The following DCC variants were observed in gnomAD, a reference collection of about 807,000 sequenced individuals.
The protein encoded by DCC is netrin receptor DCC.
In DCC, 58 loss-of-function variants were observed where a neutral mutation model predicts 172.5. The observed-to-expected ratio is 0.34, with a 90% CI of 0.27 to 0.42. The LOEUF (loss-of-function observed/expected upper bound fraction) is 0.42, where lower values mean the gene tolerates loss of function less well. Among genes scored for constraint, DCC ranks in the 10% least tolerant of loss-of-function variants. The probability of loss-of-function intolerance (pLI) is 1.00; values close to 1 mark genes in which losing one functional copy is unlikely to be tolerated. For missense variants in DCC, 1,740 were observed against 1,791.0 expected, an observed-to-expected ratio of 0.97 and a Z score of 0.51; for synonymous variants, 709 against 644.5, an observed-to-expected ratio of 1.10 and a Z score of -1.52.
At chr18:53,243,005 A>C (rs2144641705) in intron 12 of DCC, among the ~76,000 whole-genome samples, 1 of 152,176 alleles carries the variant, frequency 6.6e-6, no homozygotes, top group Non-Finnish European at 1.5e-5. Flanking sequence ...AGGACCCCAA[A>C]GCTATAAAAG....
intron 15 of DCC, among the ~76,000 whole-genome samples, chr18:53,366,672 T>C (rs770535753): frequency 1.3e-5 from 2 of 152,180 alleles, no homozygotes; most frequent in Non-Finnish European, 2.9e-5. Flanking sequence ...GCAATTACTT[T>C]AATAATAGAC....
At chr18:52,772,691 A>C (rs745586414) in intron 2 of DCC, among the ~76,000 whole-genome samples, 3 of 152,176 alleles carry the variant, frequency 2.0e-5, no homozygotes, top group Non-Finnish European at 4.4e-5. Context: ...CTGATCCATC[A>C]CAGTGCTTTT....
chr18:53,220,873 G>T (rs772019831), intron 12 of DCC, among the ~76,000 whole-genome samples: 1 of 152,076 alleles, frequency 6.6e-6, no homozygotes, highest in South Asian at 2.1e-4. Context: ...GAAGGGTGGG[G>T]AGTAGGAGCA....
At chr18:52,891,561 C>G (rs950443196) in intron 2 of DCC, among the ~76,000 whole-genome samples, 1 of 152,054 alleles carries the variant, frequency 6.6e-6, no homozygotes, top group African/African-American at 2.4e-5. Flanking sequence ...TAATTAGCCT[C>G]TTACTCCTGT....
chr18:53,169,020 A>G (rs1030853353), intron 8 of DCC, among the ~76,000 whole-genome samples: 13 of 152,232 alleles, frequency 8.5e-5, no homozygotes, highest in African/African-American at 3.1e-4. Flanking sequence ...AGCTATTATT[A>G]TAATGCAATA....
intron 2 of DCC, among the ~76,000 whole-genome samples, chr18:52,834,173 T>C (rs1249387977): frequency 2.0e-5 from 3 of 151,772 alleles, no homozygotes; most frequent in Admixed American, 1.3e-4. Flanking sequence ...TTCTTCTCTT[T>C]ATAGCAGTTG....
At chr18:52,649,372 C>CA (rs74178677) in intron 1 of DCC, among the ~76,000 whole-genome samples, 21,993 of 123,842 alleles carry the variant, frequency 0.18, 1,965 homozygotes, top group Admixed American at 0.28. Flanking sequence ...GATTCCGTAT[C>CA]AAAAAAAAAA....
intron 7 of DCC, among the ~76,000 whole-genome samples, chr18:53,087,606 G>C (rs1270764654): frequency 6.6e-6 from 1 of 152,120 alleles, no homozygotes; most frequent in Admixed American, 6.5e-5. Flanking sequence ...CTTGAGTTTA[G>C]TTAGATCCCA....
chr18:52,395,596 T>C (rs767839747), intron 1 of DCC, among the ~76,000 whole-genome samples: 1 of 152,008 alleles, frequency 6.6e-6, no homozygotes, highest in Non-Finnish European at 1.5e-5. Flanking sequence ...AGGTGCAAAC[T>C]CTCTGTGTGA....
intron 2 of DCC, among the ~76,000 whole-genome samples, chr18:52,861,531 T>C (rs117313116): frequency 0.04 from 6,125 of 152,250 alleles, 173 homozygotes; most frequent in Non-Finnish European, 0.062. Context: ...ATCATGTAGA[T>C]AGAAGGGTAA....
intron 1 of DCC, among the ~76,000 whole-genome samples, chr18:52,681,613 A>G (rs1180504881): frequency 6.6e-6 from 1 of 152,256 alleles, no homozygotes; most frequent in African/African-American, 2.4e-5. Flanking sequence ...CGTATATTAA[A>G]TATCAAAGGA....
chr18:52,759,120 T>G (rs991986781), intron 2 of DCC: 5 of 152,174 alleles, frequency 3.3e-5, no homozygotes, highest in Admixed American at 2.0e-4. Flanking sequence ...GTCTTATCAT[T>G]TTTCTTTAAT....
At chr18:53,370,914 C>T (rs1313301121) in intron 15 of DCC, among the ~76,000 whole-genome samples, 1 of 150,460 alleles carries the variant, frequency 6.6e-6, no homozygotes, top group African/African-American at 2.4e-5. Flanking sequence ...GCTTAACCAA[C>T]AAAAAAAAAT....
chr18:53,470,666 G>C (rs2045683938), intron 25 of DCC, among the ~76,000 whole-genome samples: 1 of 151,936 alleles, frequency 6.6e-6, no homozygotes, highest in African/African-American at 2.4e-5. Flanking sequence ...ATGAAACTCA[G>C]AATCATGGCG....
chr18:52,694,570 A>T (rs905968674), intron 1 of DCC, among the ~76,000 whole-genome samples: 1 of 151,864 alleles, frequency 6.6e-6, no homozygotes, highest in Non-Finnish European at 1.5e-5. Flanking sequence ...TTATATTTTT[A>T]AAATGCTTCT....
chr18:52,553,408 A>G (rs1480934307), intron 1 of DCC, among the ~76,000 whole-genome samples: 2 of 152,026 alleles, frequency 1.3e-5, no homozygotes, highest in African/African-American at 2.4e-5. Flanking sequence ...GACTGAAGTG[A>G]TGGAGTGGGA....
At chr18:53,508,349 C>G (rs2046209049) in intron 27 of DCC, among the ~76,000 whole-genome samples, 1 of 152,058 alleles carries the variant, frequency 6.6e-6, no homozygotes, top group Non-Finnish European at 1.5e-5. Flanking sequence ...AGCGACACCT[C>G]ACATGACTAA....
At chr18:53,017,470 C>T (rs1402775936) in intron 5 of DCC, among the ~76,000 whole-genome samples, 1 of 152,010 alleles carries the variant, frequency 6.6e-6, no homozygotes, top group Non-Finnish European at 1.5e-5. Context: ...TTTTAATTAA[C>T]GATAGTTTAT....
intron 1 of DCC, among the ~76,000 whole-genome samples, chr18:52,379,717 A>G (rs998795543): frequency 6.6e-6 from 1 of 152,174 alleles, no homozygotes; most frequent in African/African-American, 2.4e-5. Context: ...CTTAGTTATC[A>G]GGTTCCTGGA....
Sources: gnomAD v4.1 joint callset for allele counts (sites outside exome capture counted in the v4.1 genomes callset) on GRCh38, gnomAD v4.1.1 for gene constraint, MANE v1.5 for transcripts, NCBI Gene and HGNC (gene_info 2026-07-23, HGNC 2026-07-21) for gene names.